BCL2L2: variants seen among roughly 807,000 people sequenced by gnomAD.
BCL2L2 encodes bcl-2-like protein 2.
A neutral mutation model predicts 14.6 loss-of-function variants in BCL2L2; 6 were observed. The observed-to-expected ratio is 0.41, with a 90% CI of 0.22 to 0.81. The LOEUF (loss-of-function observed/expected upper bound fraction) is 0.81, where lower values mean the gene tolerates loss of function less well. BCL2L2 is among the 30% of genes least tolerant of loss of function. BCL2L2 has a pLI of 0.32. For missense variants in BCL2L2, 191 were observed against 260.5 expected (o/e 0.73, Z 1.84); for synonymous variants, 90 against 108.5 (o/e 0.83, Z 1.06).
chr14:23,309,630 G>C lies in BCL2L2; in HGVS notation c.*665G>C. 1 of 985,562 alleles carries C rather than the reference G, an allele frequency of 1.0e-6. No individual in the cohort carries two copies. The highest frequency in any genetic ancestry group is 1.2e-6 in the Non-Finnish European group (1 of 830,028). 61.1% of individuals were successfully genotyped at this position (985,562 alleles called of 1,614,324 possible). A position where few individuals can be genotyped will look rare whatever the true frequency, so the allele number is the denominator to read the frequency against. On this transcript the variant is annotated 3_prime_UTR_variant, in exon 4 of 4. Transcript: ENST00000250405. ...TAGAGAGAAACATTGTATCCAGACC[G>C]AGGGCTCTGCTGCTTCTTTCCAGAA...
chr14:23,311,071 G>T lies in BCL2L2; in HGVS notation c.*2106G>T, dbSNP rs1245283214. 7.8e-7 allele frequency: 1 copy of T among 1,289,316 alleles called. No homozygotes were observed. Among genetic ancestry groups the T allele is most frequent in the South Asian group, 1.2e-5 (1 of 81,012 alleles). The allele number at this position is 1,289,316 out of a possible 1,614,324, so 79.9% of individuals were successfully genotyped here. Reference sequence around the variant, plus strand: ...GCCAAGAGGAGCTGCAGGGACCATGGCCAGGTTACCAAAATGCCCTGCTCT... The same window carrying T: ...GCCAAGAGGAGCTGCAGGGACCATGTCCAGGTTACCAAAATGCCCTGCTCT... On this transcript the variant is annotated 3_prime_UTR_variant, in exon 4 of 4. Coordinates refer to ENST00000250405, the MANE Select transcript of BCL2L2 (RefSeq NM_004050.5).
chr14:23,308,233 C>T lies in BCL2L2; in HGVS notation c.432+34C>T, dbSNP rs1234473947. Reference sequence around the variant, plus strand: ...CTTCTCAATTGCCGCTCTGCACATCCTTCTGCAAAGCTGGTCTCCAGGGGG... The same window carrying T: ...CTTCTCAATTGCCGCTCTGCACATCTTTCTGCAAAGCTGGTCTCCAGGGGG... On this transcript the variant is annotated intron_variant, in intron 3 of 3. Coordinates refer to ENST00000250405, the MANE Select transcript of BCL2L2 (RefSeq NM_004050.5). This position sits in a 1 kb window ranked among gnomAD's most constrained non-coding sequence, Gnocchi z 5.4. 2 of 1,562,424 alleles carry T rather than the reference C, an allele frequency of 1.3e-6. No homozygotes were observed. The highest frequency in any genetic ancestry group is 1.9e-5 in the Admixed American group (1 of 52,048).
chr14:23,310,985 C>G lies in BCL2L2; in HGVS notation c.*2020C>G. ...CTTCCTTCCCCAGGTATGGAGCACACTCTTCACCCTACCCTCTACCACAGG... is the reference window on the plus strand; with the variant it reads ...CTTCCTTCCCCAGGTATGGAGCACAGTCTTCACCCTACCCTCTACCACAGG... On this transcript the variant is annotated 3_prime_UTR_variant, in exon 4 of 4. Transcript: ENST00000250405. 2 of 1,289,634 alleles carry G rather than the reference C, an allele frequency of 1.6e-6. No individual in the cohort carries two copies. Among genetic ancestry groups the G allele is most frequent in the South Asian group, 2.5e-5 (2 of 81,030 alleles). The allele number at this position is 1,289,634 out of a possible 1,614,324, so 79.9% of individuals were successfully genotyped here.
At position 23,310,364 on chromosome 14, in the gene BCL2L2, C is replaced by A. The variant is rs1267960350; in HGVS notation, c.*1399C>A. Reference sequence around the variant, plus strand: ...TCCAAGGTGCTAAGATTGCTGCTCTCCAATGCTAACTTTCTGACACAGTGC... The same window carrying A: ...TCCAAGGTGCTAAGATTGCTGCTCTACAATGCTAACTTTCTGACACAGTGC... On this transcript the variant is annotated 3_prime_UTR_variant, in exon 4 of 4. Transcript: ENST00000250405. 1.4e-5 allele frequency: 14 copies of A among 988,846 alleles called. No individual in the cohort carries two copies. The highest frequency in any genetic ancestry group is 1.7e-5 in the Non-Finnish European group (14 of 831,926). 61.3% of individuals were successfully genotyped at this position (988,846 alleles called of 1,614,324 possible). A position where few individuals can be genotyped will look rare whatever the true frequency, so the allele number is the denominator to read the frequency against.
Position 23,311,092 on chromosome 14 carries a change from G to A in BCL2L2, c.*2127G>A. The A allele has an allele frequency of 2.3e-6, 3 of 1,289,138 alleles. No individual in the cohort carries two copies. Among genetic ancestry groups the A allele is most frequent in the Non-Finnish European group, 2.0e-6 (2 of 988,674 alleles). 79.9% of individuals were successfully genotyped at this position (1,289,138 alleles called of 1,614,324 possible). A position where few individuals can be genotyped will look rare whatever the true frequency, so the allele number is the denominator to read the frequency against. On this transcript the variant is annotated 3_prime_UTR_variant, in exon 4 of 4. Coordinates refer to ENST00000250405, the MANE Select transcript of BCL2L2 (RefSeq NM_004050.5). Reference sequence around the variant, plus strand: ...CATGGCCAGGTTACCAAAATGCCCTGCTCTGAAGCCTTGACACCTGGGTGG... The same window carrying A: ...CATGGCCAGGTTACCAAAATGCCCTACTCTGAAGCCTTGACACCTGGGTGG...
Position 23,311,104 on chromosome 14 carries a change from T to C in BCL2L2, c.*2139T>C, listed in dbSNP as rs1887588445. The C allele has an allele frequency of 7.8e-7, 1 of 1,289,074 alleles. No homozygotes were observed. Among genetic ancestry groups the C allele is most frequent in the Non-Finnish European group, 1.0e-6 (1 of 988,654 alleles). The allele number at this position is 1,289,074 out of a possible 1,614,324, so 79.9% of individuals were successfully genotyped here. ...ACCAAAATGCCCTGCTCTGAAGCCT[T>C]GACACCTGGGTGGAAAGAGAGGCTG... On this transcript the variant is annotated 3_prime_UTR_variant, in exon 4 of 4. Transcript: ENST00000250405.
At position 23,309,345 on chromosome 14, in the gene BCL2L2, GA is replaced by G. The variant is rs1333377201; in HGVS notation, c.*382del. On this transcript the variant is annotated 3_prime_UTR_variant, in exon 4 of 4. Transcript: ENST00000250405. Reference sequence around the variant, plus strand: ...AGATGAGTGGGATTTAGGGAACGCAGAAGGCACATCCCTTTGGAATGGAAGC... The same window carrying G: ...AGATGAGTGGGATTTAGGGAACGCAGAGGCACATCCCTTTGGAATGGAAGC... 3 of 1,024,032 alleles carry G rather than the reference GA, an allele frequency of 2.9e-6. No individual in the cohort carries two copies. The highest frequency in any genetic ancestry group is 3.5e-6 in the Non-Finnish European group (3 of 855,678). 63.4% of individuals were successfully genotyped at this position (1,024,032 alleles called of 1,614,324 possible).
chr14:23,308,677 T>G lies in BCL2L2; in HGVS notation c.433-139T>G. ...AGAGGGGCTTGCAGGGAGAAGAGCT[T>G]TGGCCAGAGAGGAGCTGGGTATGGG... On this transcript the variant is annotated intron_variant, in intron 3 of 3. Transcript: ENST00000250405. The surrounding 1 kb of genome is among the most constrained non-coding windows in gnomAD (Gnocchi z 5.4). 1 of 664,964 alleles carries G rather than the reference T, an allele frequency of 1.5e-6. No individual in the cohort carries two copies. The highest frequency in any genetic ancestry group is 2.2e-6 in the Non-Finnish European group (1 of 447,696). 41.2% of individuals were successfully genotyped at this position (664,964 alleles called of 1,614,324 possible).
Position 23,309,616 on chromosome 14 carries a change from A to G in BCL2L2, c.*651A>G. 2 of 985,548 alleles carry G rather than the reference A, an allele frequency of 2.0e-6. No individual in the cohort carries two copies. The highest frequency in any genetic ancestry group is 2.4e-6 in the Non-Finnish European group (2 of 830,026). 61.1% of individuals were successfully genotyped at this position (985,548 alleles called of 1,614,324 possible). A position where few individuals can be genotyped will look rare whatever the true frequency, so the allele number is the denominator to read the frequency against. On this transcript the variant is annotated 3_prime_UTR_variant, in exon 4 of 4. Coordinates refer to ENST00000250405, the MANE Select transcript of BCL2L2 (RefSeq NM_004050.5). ...GATGCCTCAAGGCTTAGAGAGAAACATTGTATCCAGACCGAGGGCTCTGCT... is the reference window on the plus strand; with the variant it reads ...GATGCCTCAAGGCTTAGAGAGAAACGTTGTATCCAGACCGAGGGCTCTGCT...
In BCL2L2 at chr14:23,309,116, G is replaced by A; in HGVS notation, c.*151G>A. ...GGGTAGTGTGTGAGGGAGCTGAGTA[G>A]GCCAGGTAGGCGATTGGAAGAGTGA... On this transcript the variant is annotated 3_prime_UTR_variant, in exon 4 of 4. Coordinates refer to ENST00000250405, the MANE Select transcript of BCL2L2 (RefSeq NM_004050.5). The A allele has an allele frequency of 8.0e-7, 1 of 1,247,016 alleles. No individual in the cohort carries two copies. Among genetic ancestry groups the A allele is most frequent in the Non-Finnish European group, 1.0e-6 (1 of 989,278 alleles). The allele number at this position is 1,247,016 out of a possible 1,614,324, so 77.2% of individuals were successfully genotyped here.
chr14:23,310,006 G>A lies in BCL2L2; in HGVS notation c.*1041G>A. Reference sequence around the variant, plus strand: ...ACTGTGTCTCAGTGAGACTGTTGATGCCTTGAGATGACCATTTCAGATCTG... The same window carrying A: ...ACTGTGTCTCAGTGAGACTGTTGATACCTTGAGATGACCATTTCAGATCTG... On this transcript the variant is annotated 3_prime_UTR_variant, in exon 4 of 4. Coordinates refer to ENST00000250405, the MANE Select transcript of BCL2L2 (RefSeq NM_004050.5). The A allele has an allele frequency of 1.0e-6, 1 of 985,540 alleles. No individual in the cohort carries two copies. Among genetic ancestry groups the A allele is most frequent in the Non-Finnish European group, 1.2e-6 (1 of 830,014 alleles). The allele number at this position is 985,540 out of a possible 1,614,324, so 61.0% of individuals were successfully genotyped here.
At position 23,310,396 on chromosome 14, in the gene BCL2L2, A is replaced by G. The variant is rs1176585657; in HGVS notation, c.*1431A>G. ...TAACTTTCTGACACAGTGCTCTAGA[A>G]CCCTGCCTGTGGTCCTGAGCACTGA... On this transcript the variant is annotated 3_prime_UTR_variant, in exon 4 of 4. Transcript: ENST00000250405. 3.0e-6 allele frequency: 3 copies of G among 992,902 alleles called. No homozygotes were observed. Among genetic ancestry groups the G allele is most frequent in the Non-Finnish European group, 3.6e-6 (3 of 834,486 alleles). 61.5% of individuals were successfully genotyped at this position (992,902 alleles called of 1,614,324 possible).
At position 23,309,811 on chromosome 14, in the gene BCL2L2, C is replaced by T; in HGVS notation, c.*846C>T. 5 of 985,462 alleles carry T rather than the reference C, an allele frequency of 5.1e-6. No homozygotes were observed. Among genetic ancestry groups the T allele is most frequent in the Non-Finnish European group, 6.0e-6 (5 of 829,968 alleles). 61.0% of individuals were successfully genotyped at this position (985,462 alleles called of 1,614,324 possible). On this transcript the variant is annotated 3_prime_UTR_variant, in exon 4 of 4. Transcript: ENST00000250405. ...CCTGGATGGGTGGAGGCTTAGGTAG[C>T]CGGACCTGCCTGCCACCCTCCTCTC...
In BCL2L2 at chr14:23,309,088, A is replaced by T; in HGVS notation, c.*123A>T. The T allele has an allele frequency of 7.9e-7, 1 of 1,259,700 alleles. No homozygotes were observed. The highest frequency in any genetic ancestry group is 1.0e-6 in the Non-Finnish European group (1 of 995,412). The allele number at this position is 1,259,700 out of a possible 1,614,324, so 78.0% of individuals were successfully genotyped here. On this transcript the variant is annotated 3_prime_UTR_variant, in exon 4 of 4. Transcript: ENST00000250405. ...TGGGCATGGAACAGGATGGGCAGAG[A>T]AAGGGTAGTGTGTGAGGGAGCTGAG...
chr14:23,307,654 C>T, intron 2 of BCL2L2, 106 bp from the exon 3 acceptor site: 2 of 1,428,776 alleles, frequency 1.4e-6, no homozygotes, highest in Non-Finnish European at 9.4e-7. Flanking sequence ...GAGTCCTGAG[C>T]ATTTCCTCTC....
At position 23,308,315 on chromosome 14, in the gene BCL2L2, C is replaced by G. The variant is rs1250102988; in HGVS notation, c.432+116C>G. The G allele has an allele frequency of 1.0e-4, 138 of 1,363,994 alleles. 2 individuals carry two copies. The South Asian group carries it at 1.7e-3, about 17-fold the overall frequency. 84.5% of individuals were successfully genotyped at this position (1,363,994 alleles called of 1,614,324 possible). A position where few individuals can be genotyped will look rare whatever the true frequency, so the allele number is the denominator to read the frequency against. On this transcript the variant is annotated intron_variant, in intron 3 of 3. Coordinates refer to ENST00000250405, the MANE Select transcript of BCL2L2 (RefSeq NM_004050.5). This position sits in a 1 kb window ranked among gnomAD's most constrained non-coding sequence, Gnocchi z 5.4. ...GCTATGTTGGGAATGAGGTACGGGGCTGAGTCTCCCCGTCTGGATGGAATT... is the reference window on the plus strand; with the variant it reads ...GCTATGTTGGGAATGAGGTACGGGGGTGAGTCTCCCCGTCTGGATGGAATT...
Position 23,310,128 on chromosome 14 carries a change from C to G in BCL2L2, c.*1163C>G, listed in dbSNP as rs1287905675. ...TTATCAGGGGCCAGGCATATGGGTT[C>G]TAGAGTACCTACCATGACCTAGAAG... On this transcript the variant is annotated 3_prime_UTR_variant, in exon 4 of 4. Transcript: ENST00000250405. 1.0e-6 allele frequency: 1 copy of G among 985,366 alleles called. No individual in the cohort carries two copies. Among genetic ancestry groups the G allele is most frequent in the Non-Finnish European group, 1.2e-6 (1 of 830,048 alleles). 61.0% of individuals were successfully genotyped at this position (985,366 alleles called of 1,614,324 possible).
In BCL2L2 at chr14:23,310,892, G is replaced by C. The variant is rs1158400808; in HGVS notation, c.*1927G>C. 2 of 1,285,882 alleles carry C rather than the reference G, an allele frequency of 1.6e-6. No individual in the cohort carries two copies. Among genetic ancestry groups the C allele is most frequent in the Non-Finnish European group, 2.0e-6 (2 of 985,564 alleles). The allele number at this position is 1,285,882 out of a possible 1,614,324, so 79.7% of individuals were successfully genotyped here. A position where few individuals can be genotyped will look rare whatever the true frequency, so the allele number is the denominator to read the frequency against. On this transcript the variant is annotated 3_prime_UTR_variant, in exon 4 of 4. Transcript: ENST00000250405. The stretch of plus-strand genomic sequence containing the variant: ...CAGGGTAAGATTTTATTTGCATTAA[G>C]GGGTTTGCTGCTGAAAAAAAGTTGG...
Position 23,309,258 on chromosome 14 carries a change from G to A in BCL2L2, c.*293G>A, listed in dbSNP as rs1024432051. 1.2e-5 allele frequency: 14 copies of A among 1,174,972 alleles called. No individual in the cohort carries two copies. The East Asian group carries it at 3.4e-4, about 29-fold the overall frequency. 72.8% of individuals were successfully genotyped at this position (1,174,972 alleles called of 1,614,324 possible). Reference sequence around the variant, plus strand: ...GCCTATAGGTGTGGGCACATGAAACGACCTGGAACTTGCTTCACAGCCCTG... The same window carrying A: ...GCCTATAGGTGTGGGCACATGAAACAACCTGGAACTTGCTTCACAGCCCTG... On this transcript the variant is annotated 3_prime_UTR_variant, in exon 4 of 4. Transcript: ENST00000250405.
Sources: allele counts gnomAD v4.1 joint callset, GRCh38; gene constraint gnomAD v4.1.1; non-coding constraint Gnocchi (gnomAD v3.1); transcripts MANE v1.5; gene names NCBI Gene and HGNC (gene_info 2026-07-23, HGNC 2026-07-21).